The following TOX variants were observed in gnomAD, a reference collection of about 807,000 sequenced individuals.
TOX encodes thymocyte selection associated high mobility group box.
TOX carries 11 observed loss-of-function variants against 53.7 expected under a neutral mutation model. That is an observed-to-expected ratio of 0.20 (90% CI 0.13 to 0.34). The LOEUF is 0.34. Among genes scored for constraint, TOX ranks in the 10% least tolerant of loss-of-function variants. The pLI, the probability that TOX is intolerant of heterozygous loss-of-function variation, is 1.00. For synonymous variants in TOX, 225 were observed against 245.3 expected (o/e 0.92, Z 0.77); for missense variants, 570 against 664.6 (o/e 0.86, Z 1.56).
At chr8:58,845,068 A>G (rs1563368264) in intron 4 of TOX, among the ~76,000 whole-genome samples, 1 of 152,244 alleles carries the variant, frequency 6.6e-6, no homozygotes, top group East Asian at 1.9e-4. Flanking sequence ...AAGAAGCCAG[A>G]GCACAGGAGT....
At chr8:59,008,866 A>C (rs991040009) in intron 1 of TOX, among the ~76,000 whole-genome samples, 1 of 152,238 alleles carries the variant, frequency 6.6e-6, no homozygotes, top group Non-Finnish European at 1.5e-5. Context: ...ACAAATCAGC[A>C]GTTACCCTTG....
At chr8:58,844,747 G>A (rs561952382) in intron 4 of TOX, among the ~76,000 whole-genome samples, 7 of 151,954 alleles carry the variant, frequency 4.6e-5, no homozygotes, top group African/African-American at 7.3e-5. Flanking sequence ...GATTACCCAC[G>A]CACTGATTTC....
chr8:58,992,101 G>A lies in TOX; in HGVS notation c.103-32093C>T, dbSNP rs539450974. On this transcript the variant is annotated intron_variant, in intron 1 of 8. Coordinates refer to ENST00000361421, the MANE Select transcript of TOX (RefSeq NM_014729.3). ...CTCTGCTGCACATGCTGCTGGCTAT[G>A]ACTTTGTAGTTTATGTAAAAATAGT... 6 of 152,352 alleles carry A rather than the reference G, an allele frequency of 3.9e-5. No homozygotes were observed. In the South Asian group the frequency reaches 1.2e-3, roughly 32 times the overall value. 9.4% of individuals were successfully genotyped at this position (152,352 alleles called of 1,614,324 possible). A position where few individuals can be genotyped will look rare whatever the true frequency, so the allele number is the denominator to read the frequency against.
At chr8:59,107,747 T>C (rs1319783837) in intron 1 of TOX, among the ~76,000 whole-genome samples, 1 of 152,198 alleles carries the variant, frequency 6.6e-6, no homozygotes, top group Non-Finnish European at 1.5e-5. Flanking sequence ...GTGCGATATT[T>C]AGAAAAACAT....
intron 3 of TOX, among the ~76,000 whole-genome samples, chr8:58,853,604 CTG>C (rs1810862462): frequency 6.6e-6 from 1 of 152,192 alleles, no homozygotes; most frequent in African/African-American, 2.4e-5. Flanking sequence ...ATACTTCCCA[CTG>C]TGTTAAGCAG....
At chr8:58,879,847 TA>T (rs1207391823) in intron 3 of TOX, among the ~76,000 whole-genome samples, 1 of 152,046 alleles carries the variant, frequency 6.6e-6, no homozygotes, top group Non-Finnish European at 1.5e-5. Context: ...CCCCAAGAAT[TA>T]AAAAAAATAT....
chr8:59,009,094 C>T (rs1813848231), intron 1 of TOX, among the ~76,000 whole-genome samples: 1 of 151,388 alleles, frequency 6.6e-6, no homozygotes, highest in African/African-American at 2.4e-5. Flanking sequence ...TCTCTTCCTC[C>T]CTCCCTTTCT....
At chr8:59,004,546 T>C (rs546783283) in intron 1 of TOX, among the ~76,000 whole-genome samples, 2 of 152,222 alleles carry the variant, frequency 1.3e-5, no homozygotes, top group Non-Finnish European at 2.9e-5. Flanking sequence ...GGGATCTATA[T>C]TCTATGGAAA....
chr8:58,896,369 T>C (rs900645921), intron 3 of TOX, among the ~76,000 whole-genome samples: 4 of 151,998 alleles, frequency 2.6e-5, no homozygotes, highest in East Asian at 1.9e-4. Context: ...GAATATACCA[T>C]ATTAGCACAA....
intron 1 of TOX, among the ~76,000 whole-genome samples, chr8:59,073,655 C>A (rs1457214411): frequency 1.3e-5 from 2 of 151,928 alleles, no homozygotes; most frequent in Non-Finnish European, 2.9e-5. Context: ...AAATACAAAT[C>A]CTTGTGCTAG....
At chr8:58,843,608 C>G (rs1378876939) in intron 4 of TOX, among the ~76,000 whole-genome samples, 1 of 152,118 alleles carries the variant, frequency 6.6e-6, no homozygotes, top group African/African-American at 2.4e-5. Flanking sequence ...ATGGAAACTC[C>G]TTGTTGTAGT....
intron 1 of TOX, among the ~76,000 whole-genome samples, chr8:59,004,310 T>A (rs1813747714): frequency 6.6e-6 from 1 of 152,204 alleles, no homozygotes; most frequent in African/African-American, 2.4e-5. Flanking sequence ...ACACAATCAA[T>A]TGTAAGCAAC....
At chr8:58,988,283 G>T (rs1813371926) in intron 1 of TOX, among the ~76,000 whole-genome samples, 1 of 152,144 alleles carries the variant, frequency 6.6e-6, no homozygotes, top group South Asian at 2.1e-4. Context: ...CTAAGTTAGG[G>T]TCCATAAACT....
chr8:58,901,322 T>A (rs1368478481), intron 3 of TOX, among the ~76,000 whole-genome samples: 6 of 152,204 alleles, frequency 3.9e-5, no homozygotes, highest in Non-Finnish European at 7.4e-5. Context: ...AAAATTCATT[T>A]TATCAACCAG....
chr8:59,044,657 T>G (rs1387815807), intron 1 of TOX, among the ~76,000 whole-genome samples: 1 of 152,206 alleles, frequency 6.6e-6, no homozygotes, highest in Non-Finnish European at 1.5e-5. Flanking sequence ...CTAAATCTCT[T>G]TTTTTATTGT....
intron 6 of TOX, among the ~76,000 whole-genome samples, chr8:58,822,807 G>C (rs531762144): frequency 6.6e-6 from 1 of 152,266 alleles, no homozygotes; most frequent in African/African-American, 2.4e-5. Flanking sequence ...AATCACTGAG[G>C]GTAGAGAAAA....
chr8:58,818,274 C>A (rs1463900191), intron 6 of TOX, among the ~76,000 whole-genome samples: 1 of 152,142 alleles, frequency 6.6e-6, no homozygotes, highest in African/African-American at 2.4e-5. Context: ...TAACTATTGG[C>A]AAACTCAAAG....
chr8:58,954,750 T>C (rs1318081360), intron 2 of TOX, among the ~76,000 whole-genome samples: 2 of 152,218 alleles, frequency 1.3e-5, no homozygotes, highest in Non-Finnish European at 2.9e-5. Context: ...CAACACTCTC[T>C]GGACTCAAGA....
chr8:58,816,022 G>A (rs1810170603), intron 6 of TOX, among the ~76,000 whole-genome samples: 1 of 152,214 alleles, frequency 6.6e-6, no homozygotes, highest in South Asian at 2.1e-4. Flanking sequence ...TGGGTTTGTG[G>A]AGGGTGGGGG....
Sources: gnomAD v4.1 joint callset for allele counts (sites outside exome capture counted in the v4.1 genomes callset) on GRCh38, gnomAD v4.1.1 for gene constraint, MANE v1.5 for transcripts, NCBI Gene and HGNC (gene_info 2026-07-23, HGNC 2026-07-21) for gene names.